DNAH10: variants seen among roughly 807,000 people sequenced by gnomAD.
DNAH10 encodes dynein axonemal heavy chain 10.
A neutral mutation model predicts 506.6 loss-of-function variants in DNAH10; 348 were observed. The observed-to-expected ratio is 0.69, with a 90% CI of 0.63 to 0.75. The LOEUF (loss-of-function observed/expected upper bound fraction) is 0.75, where lower values mean the gene tolerates loss of function less well. DNAH10 is among the 30% of genes least tolerant of loss of function. DNAH10 has a pLI of 0.00. For missense variants in DNAH10, 5,179 were observed against 5,787.1 expected (o/e 0.89, Z 3.41); for synonymous variants, 2,059 against 2,198.6 (o/e 0.94, Z 1.78).
At chr12:123,878,126 G>A (rs1268286392) in intron 48 of DNAH10, among the ~76,000 whole-genome samples, 1 of 152,236 alleles carries the variant, frequency 6.6e-6, no homozygotes, top group Non-Finnish European at 1.5e-5. Flanking sequence ...AGAAGCAGAA[G>A]TGGGGACAAG....
intron 53 of DNAH10, 60 bp from the exon 54 acceptor site, chr12:123,894,583 C>G: frequency 6.7e-7 from 1 of 1,499,044 alleles, no homozygotes. Flanking sequence ...TTTGTAGAGA[C>G]AGGGTCTCGC....
intron 50 of DNAH10, among the ~76,000 whole-genome samples, chr12:123,880,897 G>A (rs1284682319): frequency 6.8e-5 from 10 of 147,848 alleles, no homozygotes; most frequent in East Asian, 2.0e-4. Context: ...GAGAACATGC[G>A]GTGTTTGGTT....
intron 67 of DNAH10, 68 bp from the exon 68 acceptor site, chr12:123,924,982 T>G: frequency 6.3e-7 from 1 of 1,584,570 alleles, no homozygotes. Flanking sequence ...TTTGCCACCT[T>G]CACACATAAA....
intron 70 of DNAH10, 70 bp from the exon 71 acceptor site, chr12:123,929,205 C>A: frequency 6.8e-7 from 1 of 1,465,790 alleles, no homozygotes; most frequent in Non-Finnish European, 9.3e-7. Context: ...GCAGTGCCTG[C>A]ATTGTGCACA....
intron 30 of DNAH10, among the ~76,000 whole-genome samples, 177 bp from the exon 31 acceptor site, chr12:123,845,423 T>C (rs1950911009): frequency 1.3e-5 from 2 of 152,170 alleles, no homozygotes; most frequent in Non-Finnish European, 2.9e-5. Flanking sequence ...CATCTTACTC[T>C]CACCTAAGTC....
intron 51 of DNAH10, among the ~76,000 whole-genome samples, chr12:123,886,593 CAG>C (rs1952744010): frequency 6.6e-6 from 1 of 151,796 alleles, no homozygotes; most frequent in African/African-American, 2.4e-5. Flanking sequence ...GTGAGTGTGA[CAG>C]TGTGAGTGAA....
intron 77 of DNAH10, 21 bp from the exon 78 acceptor site, chr12:123,934,600 G>C: frequency 6.2e-7 from 1 of 1,612,468 alleles, no homozygotes; most frequent in Non-Finnish European, 8.5e-7. Flanking sequence ...GTTGTATCCA[G>C]TCTCTGCCTT....
intron 16 of DNAH10, among the ~76,000 whole-genome samples, chr12:123,803,195 G>A (rs1958537351): frequency 1.3e-5 from 2 of 152,056 alleles, no homozygotes; most frequent in African/African-American, 2.4e-5. Context: ...ATAGTATGAT[G>A]TTTCCCAGTA....
intron 49 of DNAH10, 70 bp downstream of exon 49, chr12:123,879,427 T>C: frequency 6.5e-7 from 1 of 1,530,940 alleles, no homozygotes; most frequent in East Asian, 2.5e-5. Context: ...AAAGTGTTTT[T>C]TATATTAGGA....
Position 123,820,722 on chromosome 12 carries a change from G to C in DNAH10, c.4143G>C (p.Gly1381=), listed in dbSNP as rs369291208. ...ELLKVQKEMS[G]LRMIYELYEG... ...TGAAAGTGCAGAAGGAAATGAGTGG[G>C]CTGAGGATGATTTACGAGCTCTATG... is the stretch of plus-strand genomic sequence containing the variant. Residue 1381 remains glycine, a synonymous_variant, in exon 24 of 79, where the codon GGG becomes GGC. Coordinates refer to ENST00000673944, the MANE Select transcript of DNAH10 (RefSeq NM_001372106.1). 2 of 1,613,852 alleles carry C rather than the reference G, an allele frequency of 1.2e-6. No individual in the cohort carries two copies. Among genetic ancestry groups the C allele is most frequent in the Non-Finnish European group, 1.7e-6 (2 of 1,179,894 alleles).
chr12:123,830,728 G>A (rs1268983727), intron 26 of DNAH10, 29 bp downstream of exon 26: 1 of 1,554,628 alleles, frequency 6.4e-7, no homozygotes, highest in Non-Finnish European at 8.7e-7. Context: ...ACAGGCTGGA[G>A]AAAACAGTCT....
At chr12:123,829,161 G>A (rs1392705265) in intron 25 of DNAH10, among the ~76,000 whole-genome samples, 1 of 152,196 alleles carries the variant, frequency 6.6e-6, no homozygotes, top group Non-Finnish European at 1.5e-5. Context: ...TTAGGCATTA[G>A]GGGAGTGGGG....
At chr12:123,780,718 C>G (rs1184682154) in intron 5 of DNAH10, among the ~76,000 whole-genome samples, 1 of 151,232 alleles carries the variant, frequency 6.6e-6, no homozygotes, top group Non-Finnish European at 1.5e-5. Context: ...CTTTGGGAGG[C>G]CGGGGGTGGA....
chr12:123,913,042 A>T lies in DNAH10; in HGVS notation c.10135-56A>T, dbSNP rs1476374627. 3 of 1,519,600 alleles carry T rather than the reference A, an allele frequency of 2.0e-6. No homozygotes were observed. Among genetic ancestry groups the T allele is most frequent in the Non-Finnish European group, 2.7e-6 (3 of 1,121,526 alleles). The allele number at this position is 1,519,600 out of a possible 1,614,324, so 94.1% of individuals were successfully genotyped here. A position where few individuals can be genotyped will look rare whatever the true frequency, so the allele number is the denominator to read the frequency against. The stretch of plus-strand genomic sequence containing the variant: ...ATGTGGCCTGGTTTGAGGCCATGGG[A>T]TCGCGGCCCCACCACGGTCCTTTTC... On this transcript the variant is annotated intron_variant, in intron 59 of 78. Coordinates refer to ENST00000673944, the MANE Select transcript of DNAH10 (RefSeq NM_001372106.1). The surrounding 1 kb of genome is among the most constrained non-coding windows in gnomAD (Gnocchi z 5.1).
Position 123,931,596 on chromosome 12 carries a change from G to A in DNAH10, c.12917-40G>A, listed in dbSNP as rs527386469. 2.7e-4 allele frequency: 434 copies of A among 1,610,232 alleles called. 2 individuals carry two copies. Among genetic ancestry groups the A allele is most frequent in the South Asian group, 1.3e-3 (118 of 90,782 alleles). ...GGCTCAGGAGGCTCCGGTTCTGCACGTGGATGCCTTGCTTTCTCTGAAAAG... is the reference window on the plus strand; with the variant it reads ...GGCTCAGGAGGCTCCGGTTCTGCACATGGATGCCTTGCTTTCTCTGAAAAG... On this transcript the variant is annotated intron_variant, in intron 74 of 78. Transcript: ENST00000673944.
At chr12:123,794,586 C>T (rs1201736017) in intron 12 of DNAH10, among the ~76,000 whole-genome samples, 1 of 152,188 alleles carries the variant, frequency 6.6e-6, no homozygotes, top group African/African-American at 2.4e-5. Flanking sequence ...TGACTCATGC[C>T]TGTAATCCTA....
intron 41 of DNAH10, among the ~76,000 whole-genome samples, 164 bp from the exon 42 acceptor site, chr12:123,867,301 ATC>A (rs1951849248): frequency 2.0e-5 from 3 of 152,152 alleles, no homozygotes; most frequent in African/African-American, 7.2e-5. Flanking sequence ...CAGAGGACAA[ATC>A]TCTCTGCAAA....
At position 123,804,877 on chromosome 12, in the gene DNAH10, G is replaced by A. The variant is rs776514851; in HGVS notation, c.2824G>A (p.Asp942Asn). ...FEHIERERAS[D>N]VDHMVRWYLA... ...ACACATTGAGCGAGAAAGGGCCAGCGACGTGGACCACATGGTCCGGTGGTA... is the reference window on the plus strand; with the variant it reads ...ACACATTGAGCGAGAAAGGGCCAGCAACGTGGACCACATGGTCCGGTGGTA... Residue 942 changes from aspartate to asparagine, a missense_variant, in exon 18 of 79, where the codon GAC (aspartate) becomes AAC (asparagine). Transcript: ENST00000673944. 3.7e-6 allele frequency: 6 copies of A among 1,613,192 alleles called. No individual in the cohort carries two copies. The highest frequency in any genetic ancestry group is 5.1e-6 in the Non-Finnish European group (6 of 1,179,982).
chr12:123,863,951 T>A (rs1951701928), intron 39 of DNAH10, among the ~76,000 whole-genome samples: 1 of 152,208 alleles, frequency 6.6e-6, no homozygotes, highest in Admixed American at 6.5e-5. Flanking sequence ...GTAGGAGTTG[T>A]GGCAGGGGCA....
Sources: allele counts gnomAD v4.1 joint callset (sites outside exome capture counted in the v4.1 genomes callset), GRCh38; gene constraint gnomAD v4.1.1; non-coding constraint Gnocchi (gnomAD v3.1); transcripts MANE v1.5; gene names NCBI Gene and HGNC (gene_info 2026-07-23, HGNC 2026-07-21).